MDGA2: variants seen among roughly 807,000 people sequenced by gnomAD.
The protein encoded by MDGA2 is MAM domain containing glycosylphosphatidylinositol anchor 2.
Under a neutral mutation model 117.8 loss-of-function variants are expected in MDGA2, and 40 were observed. The observed-to-expected ratio is 0.34, with a 90% CI of 0.26 to 0.44. The LOEUF is 0.44. Among genes scored for constraint, MDGA2 ranks in the 20% least tolerant of loss-of-function variants. The probability of loss-of-function intolerance (pLI) is 1.00; values close to 1 mark genes in which losing one functional copy is unlikely to be tolerated. For missense variants in MDGA2, 1,123 were observed against 1,250.6 expected, an observed-to-expected ratio of 0.90 and a Z score of 1.54; for synonymous variants, 452 against 439.0, an observed-to-expected ratio of 1.03 and a Z score of -0.37.
intron 2 of MDGA2, among the ~76,000 whole-genome samples, chr14:47,270,374 C>A (rs1011581081): frequency 6.6e-6 from 1 of 152,044 alleles, no homozygotes; most frequent in African/African-American, 2.4e-5. Context: ...CTTGAAGTGG[C>A]ATAACTGAGA....
rs1181497675 is a variant in MDGA2 at position 47,663,332 on chromosome 14, T to C, written c.280+11185A>G. Among the ~76,000 whole-genome samples the C allele has an allele frequency of 2.0e-5, 3 of 152,336 alleles. No homozygotes were observed. The East Asian group carries it at 5.8e-4, about 29-fold the overall frequency. ...TTCTCAACTAACAATTTTTGTTGTCTTTCACAGTCCTGAGTAAAGATTGCC... is the reference window on the plus strand; with the variant it reads ...TTCTCAACTAACAATTTTTGTTGTCCTTCACAGTCCTGAGTAAAGATTGCC... On this transcript the variant is annotated intron_variant, in intron 1 of 16. Coordinates refer to ENST00000399232, the MANE Select transcript of MDGA2 (RefSeq NM_001113498.3).
chr14:47,472,758 A>T, intron 1 of MDGA2, among the ~76,000 whole-genome samples: 1 of 152,246 alleles, frequency 6.6e-6, no homozygotes, highest in African/African-American at 2.4e-5. Context: ...TCCTTCTTTT[A>T]CCAGCTGGAT....
intron 1 of MDGA2, among the ~76,000 whole-genome samples, chr14:47,571,401 T>C (rs537421175): frequency 6.6e-6 from 1 of 152,334 alleles, no homozygotes; most frequent in African/African-American, 2.4e-5. Flanking sequence ...ATCCCATTAC[T>C]GGGTATATAC....
At chr14:47,574,877 G>A (rs149934939) in intron 1 of MDGA2, among the ~76,000 whole-genome samples, 1 of 152,166 alleles carries the variant, frequency 6.6e-6, no homozygotes, top group African/African-American at 2.4e-5. Flanking sequence ...TCTGGCCCCA[G>A]AGTCTGTGCT....
chr14:47,492,556 T>C (rs1192337503), intron 1 of MDGA2, among the ~76,000 whole-genome samples: 2 of 151,998 alleles, frequency 1.3e-5, no homozygotes, highest in Admixed American at 1.3e-4. Context: ...CAAAAGAAAT[T>C]CAGAGAAACT....
intron 3 of MDGA2, among the ~76,000 whole-genome samples, chr14:47,152,440 T>G (rs1218111148): frequency 6.6e-6 from 1 of 152,168 alleles, no homozygotes; most frequent in Non-Finnish European, 1.5e-5. Context: ...AAACTTTACA[T>G]ATGCCAACTA....
intron 2 of MDGA2, among the ~76,000 whole-genome samples, chr14:47,252,569 C>T (rs765072813): frequency 6.6e-6 from 1 of 152,080 alleles, no homozygotes; most frequent in Non-Finnish European, 1.5e-5. Flanking sequence ...TGTTAATTTA[C>T]TATGTTTTTA....
chr14:46,940,296 T>C (rs1237652414), intron 9 of MDGA2, among the ~76,000 whole-genome samples: 3 of 152,276 alleles, frequency 2.0e-5, no homozygotes, highest in Non-Finnish European at 4.4e-5. Context: ...TGCATATAAA[T>C]GTATTTAGTC....
chr14:47,066,827 TA>T (rs1475042724), intron 6 of MDGA2, among the ~76,000 whole-genome samples: 2 of 152,198 alleles, frequency 1.3e-5, no homozygotes, highest in Non-Finnish European at 1.5e-5. Flanking sequence ...GAGGTTACAT[TA>T]AAACAAAGTG....
intron 1 of MDGA2, among the ~76,000 whole-genome samples, chr14:47,530,998 C>A (rs1215249105): frequency 6.6e-6 from 1 of 152,144 alleles, no homozygotes; most frequent in South Asian, 2.1e-4. Flanking sequence ...GTAATCCCAG[C>A]ACTTTGGGAG....
At chr14:47,163,656 T>G (rs1414801859) in intron 3 of MDGA2, among the ~76,000 whole-genome samples, 2 of 152,170 alleles carry the variant, frequency 1.3e-5, no homozygotes, top group African/African-American at 4.8e-5. Flanking sequence ...TGGTATATCT[T>G]TATCAGCAGC....
At chr14:46,951,878 G>A (rs1885382483) in intron 9 of MDGA2, among the ~76,000 whole-genome samples, 1 of 151,870 alleles carries the variant, frequency 6.6e-6, no homozygotes, top group Non-Finnish European at 1.5e-5. Context: ...TTTGTATAAT[G>A]TAATTCTTTA....
chr14:46,968,262 C>A lies in MDGA2; in HGVS notation c.1820-10619G>T, dbSNP rs553047467. Among the ~76,000 whole-genome samples the A allele has an allele frequency of 2.6e-5, 4 of 152,198 alleles. No individual in the cohort carries two copies. In the South Asian group the frequency reaches 8.3e-4, roughly 32 times the overall value. On this transcript the variant is annotated intron_variant, in intron 8 of 16. Transcript: ENST00000399232. ...AGATCACCTGTTCCACAGGTGCCTG[C>A]CTAAGCTGCTCCCACTGACAGTGGT...
intron 6 of MDGA2, among the ~76,000 whole-genome samples, chr14:47,095,288 A>C (rs1015822897): frequency 2.0e-5 from 3 of 152,046 alleles, no homozygotes; most frequent in African/African-American, 7.2e-5. Context: ...CTGACTTAAA[A>C]TAAAATCTCA....
intron 9 of MDGA2, among the ~76,000 whole-genome samples, chr14:46,932,532 T>A (rs1205222284): frequency 6.6e-6 from 1 of 152,152 alleles, no homozygotes; most frequent in Non-Finnish European, 1.5e-5. Context: ...TCTAGTTTTA[T>A]AACCTTTCCT....
chr14:47,187,184 C>A (rs1010094261), intron 3 of MDGA2, among the ~76,000 whole-genome samples: 15 of 151,462 alleles, frequency 9.9e-5, no homozygotes, highest in Non-Finnish European at 1.8e-4. Flanking sequence ...GAAAAAAAAA[C>A]GAGAAATAAT....
chr14:47,508,101 A>G (rs114910502), intron 1 of MDGA2, among the ~76,000 whole-genome samples: 2,210 of 152,292 alleles, frequency 0.015, 44 homozygotes, highest in African/African-American at 0.05. Flanking sequence ...TCCATTCTCT[A>G]TGGAAGACTT....
At chr14:47,123,281 G>C (rs551956194) in intron 5 of MDGA2, among the ~76,000 whole-genome samples, 12 of 152,102 alleles carry the variant, frequency 7.9e-5, no homozygotes, top group African/African-American at 2.9e-4. Context: ...CACCAATGTA[G>C]GGCGATCTCA....
At chr14:47,222,773 A>G (rs1886348443) in intron 2 of MDGA2, among the ~76,000 whole-genome samples, 1 of 152,248 alleles carries the variant, frequency 6.6e-6, no homozygotes, top group Admixed American at 6.5e-5. Context: ...AGCTATAAAT[A>G]AATTATCAAA....
Sources: allele counts gnomAD v4.1 joint callset (sites outside exome capture counted in the v4.1 genomes callset), GRCh38; gene constraint gnomAD v4.1.1; transcripts MANE v1.5; gene names NCBI Gene and HGNC (gene_info 2026-07-23, HGNC 2026-07-21).